The following NAV3 variants were observed in gnomAD, a reference collection of about 807,000 sequenced individuals.
The protein encoded by NAV3 is pore membrane and/or filament interacting like protein 1.
NAV3 carries 87 observed loss-of-function variants against 244.7 expected under a neutral mutation model. The observed-to-expected ratio is 0.36, with a 90% CI of 0.30 to 0.42. The LOEUF is 0.42. Among genes scored for constraint, NAV3 ranks in the 20% least tolerant of loss-of-function variants. The pLI, the probability that NAV3 is intolerant of heterozygous loss-of-function variation, is 1.00. For missense variants in NAV3, 2,663 were observed against 2,893.3 expected (o/e 0.92, Z 1.83); for synonymous variants, 1,126 against 1,042.2 (o/e 1.08, Z -1.55).
chr12:77,736,564 T>A (rs1036465064), intron 2 of NAV3, among the ~76,000 whole-genome samples: 20 of 152,150 alleles, frequency 1.3e-4, no homozygotes, highest in African/African-American at 4.8e-4. Context: ...ATGTGGCCAC[T>A]CCAAAGGGGA....
chr12:77,956,311 A>G (rs1213524388), intron 3 of NAV3, among the ~76,000 whole-genome samples: 1 of 152,194 alleles, frequency 6.6e-6, no homozygotes, highest in Admixed American at 6.5e-5. Context: ...AGTTCATGAA[A>G]AATAGCACAA....
chr12:78,014,159 A>C (rs533669788), intron 8 of NAV3, among the ~76,000 whole-genome samples: 32 of 152,198 alleles, frequency 2.1e-4, no homozygotes, highest in African/African-American at 6.5e-4. Context: ...TGTTTTCCCT[A>C]AACCTGTCTC....
intron 4 of NAV3, among the ~76,000 whole-genome samples, chr12:77,966,723 A>G (rs1253323367): frequency 6.6e-6 from 1 of 152,096 alleles, no homozygotes; most frequent in East Asian, 1.9e-4. Flanking sequence ...TGGTAGAAAT[A>G]GTCAAAATAG....
chr12:77,703,552 A>T (rs1388229908), intron 2 of NAV3, among the ~76,000 whole-genome samples: 1 of 152,142 alleles, frequency 6.6e-6, no homozygotes, highest in Non-Finnish European at 1.5e-5. Flanking sequence ...GAATACGCTT[A>T]CTGAGTAATA....
intron 2 of NAV3, among the ~76,000 whole-genome samples, chr12:77,766,144 C>T (rs1869740412): frequency 6.6e-6 from 1 of 152,206 alleles, no homozygotes; most frequent in East Asian, 1.9e-4. Context: ...TATTTTTTCC[C>T]CTCCCAGCTA....
chr12:78,163,774 A>G (rs1957665128), intron 23 of NAV3, among the ~76,000 whole-genome samples: 1 of 152,066 alleles, frequency 6.6e-6, no homozygotes, highest in Non-Finnish European at 1.5e-5. Flanking sequence ...TACCTAACCT[A>G]GGACTCAGTA....
chr12:77,669,018 A>G (rs1469771132), intron 2 of NAV3, among the ~76,000 whole-genome samples: 4 of 152,320 alleles, frequency 2.6e-5, no homozygotes, highest in Non-Finnish European at 4.4e-5. Context: ...CGAAACAATT[A>G]TCAGCCAAGA....
chr12:78,007,759 T>C (rs1874495793), intron 8 of NAV3, among the ~76,000 whole-genome samples: 1 of 152,236 alleles, frequency 6.6e-6, no homozygotes, highest in South Asian at 2.1e-4. Flanking sequence ...TTATTGCTAC[T>C]ACTATACTGC....
intron 2 of NAV3, among the ~76,000 whole-genome samples, chr12:77,624,662 G>C (rs1871537096): frequency 6.6e-6 from 1 of 152,134 alleles, no homozygotes; most frequent in South Asian, 2.1e-4. Flanking sequence ...GGCTGAGAGA[G>C]AGAGAGAAGA....
At chr12:77,778,567 G>C (rs1013060764) in intron 2 of NAV3, among the ~76,000 whole-genome samples, 18 of 148,322 alleles carry the variant, frequency 1.2e-4, no homozygotes, top group Non-Finnish European at 1.9e-4. Context: ...AACTGAGATC[G>C]CGCCACTGCA....
At chr12:77,651,896 C>A (rs1872838232) in intron 2 of NAV3, among the ~76,000 whole-genome samples, 1 of 152,122 alleles carries the variant, frequency 6.6e-6, no homozygotes. Context: ...CAGAGAAAAT[C>A]TGGTCAGCTT....
At chr12:78,134,594 G>A (rs300460) in intron 18 of NAV3, among the ~76,000 whole-genome samples, 124,468 of 152,060 alleles carry the variant, frequency 0.82, 51,171 homozygotes, top group Non-Finnish European at 0.85. Flanking sequence ...GGTTATTTAA[G>A]AACCCAGTCC....
At chr12:78,169,217 C>T (rs779531261) in intron 24 of NAV3, among the ~76,000 whole-genome samples, 1 of 151,494 alleles carries the variant, frequency 6.6e-6, no homozygotes, top group African/African-American at 2.4e-5. Context: ...AAAACAAACC[C>T]ATTAATGAGT....
chr12:77,996,231 A>G (rs774465751), intron 6 of NAV3, among the ~76,000 whole-genome samples: 2 of 152,214 alleles, frequency 1.3e-5, no homozygotes. Flanking sequence ...CTACAGAAAT[A>G]GTTCTCAGAT....
At position 77,886,188 on chromosome 12, in the gene NAV3, G is replaced by A. The variant is rs201269319; in HGVS notation, c.244-54131G>A. 2.0e-5 allele frequency among the ~76,000 whole-genome samples: 3 copies of A among 152,052 alleles called. No homozygotes were observed. In the East Asian group the frequency reaches 5.8e-4, roughly 29 times the overall value. On this transcript the variant is annotated intron_variant, in intron 1 of 39. Coordinates refer to ENST00000397909, the MANE Select transcript of NAV3 (RefSeq NM_001024383.2). ...TATGAATGCTCTCTATAGCCGCAGG[G>A]TTAAGCACTACATGGCATATAAAAC... is the stretch of plus-strand genomic sequence containing the variant.
At chr12:78,119,092 C>A in intron 14 of NAV3, 145 bp from the exon 15 acceptor site, 1 of 893,718 alleles carries the variant, frequency 1.1e-6, no homozygotes. Context: ...TCAGTCCTCT[C>A]AATATATGAG....
At chr12:77,580,220 AC>A (rs1388259659) in intron 2 of NAV3, among the ~76,000 whole-genome samples, 1,091 of 16,110 alleles carry the variant, frequency 0.068, 14 homozygotes, top group African/African-American at 0.14. Context: ...TAGGGTGGGA[AC>A]ACACACACAC....
chr12:77,652,589 T>C (rs1872876946), intron 2 of NAV3, among the ~76,000 whole-genome samples: 1 of 152,286 alleles, frequency 6.6e-6, no homozygotes, highest in South Asian at 2.1e-4. Context: ...CATACATTTA[T>C]CAAAATGTAC....
intron 2 of NAV3, among the ~76,000 whole-genome samples, chr12:77,771,350 G>A (rs1288158069): frequency 6.6e-5 from 10 of 152,214 alleles, no homozygotes; most frequent in South Asian, 6.2e-4. Flanking sequence ...GTGGAAGTCA[G>A]TGTGGCGATT....
Sources: gnomAD v4.1 joint callset for allele counts (sites outside exome capture counted in the v4.1 genomes callset) on GRCh38, gnomAD v4.1.1 for gene constraint, MANE v1.5 for transcripts, NCBI Gene and HGNC (gene_info 2026-07-23, HGNC 2026-07-21) for gene names.